Variants in AKAP9 observed in about 807,000 individuals in gnomAD.
The protein encoded by AKAP9 is A-kinase anchor protein 9.
A neutral mutation model predicts 488.5 loss-of-function variants in AKAP9; 311 were observed. The ratio of observed to expected loss-of-function variants is 0.64; its 90% CI spans 0.58 to 0.70. The LOEUF (loss-of-function observed/expected upper bound fraction) is 0.70. Ranked by LOEUF, AKAP9 falls within the 30% of genes least tolerant of loss-of-function variation. AKAP9 has a pLI of 0.00. For synonymous variants in AKAP9, 1,462 were observed against 1,483.5 expected (o/e 0.99, Z 0.33); for missense variants, 4,215 against 4,374.5 (o/e 0.96, Z 1.03).
In AKAP9 at chr7:92,095,012, T is replaced by G; in HGVS notation, c.9579-11T>G. ...TAGCTTTATGGAAATTCATTTGTCT[T>G]TCTGACTTAGGTTGGAAGTTAAAGA... On this transcript the variant is annotated splice_polypyrimidine_tract_variant and intron_variant, in intron 39 of 49. Transcript: ENST00000356239. 6.2e-7 allele frequency: 1 copy of G among 1,613,624 alleles called. No homozygotes were observed. Among genetic ancestry groups the G allele is most frequent in the Admixed American group, 1.7e-5 (1 of 60,030 alleles).
At chr7:92,005,508 T>C (rs1260817181) in intron 8 of AKAP9, among the ~76,000 whole-genome samples, 3 of 152,166 alleles carry the variant, frequency 2.0e-5, no homozygotes, top group Non-Finnish European at 4.4e-5. Context: ...TTGGAAGCCA[T>C]TGGAAAGTTT....
chr7:92,011,182 A>G (rs1275753502), intron 8 of AKAP9, among the ~76,000 whole-genome samples: 5 of 152,224 alleles, frequency 3.3e-5, no homozygotes, highest in African/African-American at 1.2e-4. Flanking sequence ...AAAATCCAGT[A>G]TAGAATCAAG....
At position 92,000,992 on chromosome 7, in the gene AKAP9, C is replaced by A; in HGVS notation, c.1075C>A (p.Leu359Ile). Reference sequence around the variant, plus strand: ...TAAATTAACAACTGCTGATAAATTACTAGGAGAATTACAAGAACAGATTGT... The same window carrying A: ...TAAATTAACAACTGCTGATAAATTAATAGGAGAATTACAAGAACAGATTGT... ...KDKLTTADKL[L>I]GELQEQIVQK... The change falls in exon 8 of 50, where the codon CTA becomes ATA. Residue 359 changes from leucine (L) to isoleucine (I), a missense_variant. This residue lies in a region of AKAP9 where 2,361 missense variants were observed against 2,430.0 expected (regional missense o/e 0.97). Transcript: ENST00000356239. 6.5e-7 allele frequency: 1 copy of A among 1,544,312 alleles called. No homozygotes were observed. The highest frequency in any genetic ancestry group is 8.7e-7 in the Non-Finnish European group (1 of 1,146,388).
chr7:91,942,290 C>A (rs1790861969), intron 1 of AKAP9, among the ~76,000 whole-genome samples: 1 of 152,126 alleles, frequency 6.6e-6, no homozygotes, highest in South Asian at 2.1e-4. Context: ...AGAAGCTCAA[C>A]ACAAGTTTGT....
chr7:92,052,713 A>G lies in AKAP9; in HGVS notation c.5369-13A>G. 1 of 1,559,380 alleles carries G rather than the reference A, an allele frequency of 6.4e-7. No homozygotes were observed. The highest frequency in any genetic ancestry group is 8.8e-7 in the Non-Finnish European group (1 of 1,132,066). On this transcript the variant is annotated splice_polypyrimidine_tract_variant and intron_variant, in intron 21 of 49. Transcript: ENST00000356239. ...TATAATTAATTTATGCCTTTAAAAC[A>G]CTGTTATTCTAGTTACAGATGAATC...
Position 92,083,253 on chromosome 7 carries a change from C to T in AKAP9, c.8244C>T (p.Ser2748=), listed in dbSNP as rs557602327. 3.8e-5 allele frequency: 62 copies of T among 1,614,028 alleles called. No individual in the cohort carries two copies. The South Asian group carries it at 6.4e-4, about 17-fold the overall frequency. Residue 2748 remains serine, a synonymous_variant, in exon 33 of 50, where the codon TCC becomes TCT. Transcript: ENST00000356239. ...TCGCAGAGGCAAAAGAGAAATTGTCCATTTTAGAAAAAGAAGATGAGACTG... is the reference window on the plus strand; with the variant it reads ...TCGCAGAGGCAAAAGAGAAATTGTCTATTTTAGAAAAAGAAGATGAGACTG... The part of the protein sequence containing the change: ...DHLAEAKEKL[S]ILEKEDETEV...
At chr7:91,969,704 A>G (rs1303415292) in intron 1 of AKAP9, among the ~76,000 whole-genome samples, 1 of 152,110 alleles carries the variant, frequency 6.6e-6, no homozygotes, top group Non-Finnish European at 1.5e-5. Context: ...AGCCTATTTT[A>G]TCTGATACAA....
intron 1 of AKAP9, among the ~76,000 whole-genome samples, chr7:91,968,483 T>A (rs1269153352): frequency 6.6e-6 from 1 of 152,194 alleles, no homozygotes; most frequent in African/African-American, 2.4e-5. Context: ...ACCTTTCTCC[T>A]TTTATGAAAA....
intron 3 of AKAP9, among the ~76,000 whole-genome samples, chr7:91,988,396 G>C (rs1232956202): frequency 6.7e-6 from 1 of 150,370 alleles, no homozygotes; most frequent in Non-Finnish European, 1.5e-5. Context: ...CATGCACCCA[G>C]GAGTTTGAGT....
chr7:92,056,540 C>T (rs1021539990), intron 22 of AKAP9, among the ~76,000 whole-genome samples: 7 of 150,256 alleles, frequency 4.7e-5, no homozygotes, highest in Admixed American at 2.0e-4. Flanking sequence ...AATCTGTGAA[C>T]GTGCTTTGTT....
intron 40 of AKAP9, 62 bp from the exon 41 acceptor site, chr7:92,096,627 A>C: frequency 6.3e-7 from 1 of 1,597,186 alleles, no homozygotes; most frequent in Non-Finnish European, 8.5e-7. Context: ...GTGAGCCACC[A>C]CGCCCGGCCA....
chr7:91,986,672 A>T (rs1488415723), intron 3 of AKAP9, among the ~76,000 whole-genome samples: 1 of 152,154 alleles, frequency 6.6e-6, no homozygotes, highest in Non-Finnish European at 1.5e-5. Flanking sequence ...CTTCAGCTAA[A>T]TTTTTTAAAT....
chr7:92,041,077 C>T (rs1378534446), intron 18 of AKAP9, 179 bp downstream of exon 18: 2 of 582,498 alleles, frequency 3.4e-6, no homozygotes, highest in Admixed American at 3.1e-5. Flanking sequence ...TATACTAAGA[C>T]AGCAGCTTTA....
At chr7:92,023,135 T>A (rs1340262448) in intron 14 of AKAP9, 126 bp downstream of exon 14, 24 of 954,874 alleles carry the variant, frequency 2.5e-5, no homozygotes, top group Non-Finnish European at 3.7e-5. Context: ...GGATGTAGCA[T>A]TTTTTAGAAA....
At position 92,097,253 on chromosome 7, in the gene AKAP9, GAAGGACAGCGACTAC is replaced by G. The variant is rs752897417; in HGVS notation, c.10300_10314del (p.Gln3434_Gly3438del). The stretch of plus-strand genomic sequence containing the variant: ...ACAACAAGTTTATAAGTTAGACCTT[GAAGGACAGCGACTAC>G]AAGGAATCATGCAGGAATTCCAGAA... On this transcript the variant is annotated inframe_deletion, in exon 41 of 50. Coordinates refer to ENST00000356239, the MANE Select transcript of AKAP9 (RefSeq NM_005751.5). 6.2e-7 allele frequency: 1 copy of G among 1,613,756 alleles called. No individual in the cohort carries two copies. Among genetic ancestry groups the G allele is most frequent in the Non-Finnish European group, 8.5e-7 (1 of 1,180,014 alleles).
intron 24 of AKAP9, chr7:92,063,432 C>CT (rs35933206): frequency 0.2 from 176,316 of 887,942 alleles, 3,617 homozygotes; most frequent in Middle Eastern, 0.23. Context: ...TTTGTTGTGT[C>CT]TTTTTTTTTT....
At chr7:92,041,022 C>T (rs1806018374) in intron 18 of AKAP9, 124 bp downstream of exon 18, 6 of 709,178 alleles carry the variant, frequency 8.5e-6, no homozygotes, top group Middle Eastern at 2.8e-4. Context: ...TTTTTTTTGC[C>T]GAAATCTGAA....
At chr7:92,017,332 T>A (rs1801656662) in intron 12 of AKAP9, among the ~76,000 whole-genome samples, 1 of 152,086 alleles carries the variant, frequency 6.6e-6, no homozygotes, top group Non-Finnish European at 1.5e-5. Context: ...TAAGTTAAAA[T>A]ATATATATCA....
chr7:92,105,819 C>T (rs991362944), intron 47 of AKAP9, 56 bp downstream of exon 47: 9 of 1,445,536 alleles, frequency 6.2e-6, no homozygotes, highest in African/African-American at 4.2e-5. Context: ...TCAGAGGTCC[C>T]CCACCCCCAG....
Sources: gnomAD v4.1 joint callset for allele counts (sites outside exome capture counted in the v4.1 genomes callset) on GRCh38, gnomAD v4.1.1 for gene constraint, gnomAD v4.1.1 regional missense constraint, MANE v1.5 for transcripts, NCBI Gene and HGNC (gene_info 2026-07-23, HGNC 2026-07-21) for gene names.